TBC1D16: variants seen among roughly 807,000 people sequenced by gnomAD.
TBC1D16 encodes TBC1 domain family member 16, also known as CTD-2529O21.1.
In TBC1D16, 58 loss-of-function variants were observed where a neutral mutation model predicts 74.7. That is an observed-to-expected ratio of 0.78 (90% CI 0.63 to 0.97). TBC1D16 has a LOEUF of 0.97. Among genes scored for constraint, TBC1D16 ranks in the 50% least tolerant of loss-of-function variants. TBC1D16 has a pLI of 0.00. For synonymous variants in TBC1D16, 493 were observed against 474.7 expected (o/e 1.04, Z -0.50); for missense variants, 1,014 against 1,079.5 (o/e 0.94, Z 0.85).
At chr17:80,012,200 G>A (rs1270936957) in intron 2 of TBC1D16, among the ~76,000 whole-genome samples, 2 of 151,256 alleles carry the variant, frequency 1.3e-5, no homozygotes, top group East Asian at 3.9e-4. Flanking sequence ...TCAGCCAGCT[G>A]GGCATTAGGA....
At chr17:79,976,986 G>A (rs563601915) in intron 3 of TBC1D16, among the ~76,000 whole-genome samples, 2 of 152,342 alleles carry the variant, frequency 1.3e-5, no homozygotes, top group East Asian at 3.9e-4. Context: ...TGCCTGCTGA[G>A]CTGCTCTGGT....
chr17:80,025,079 A>G (rs2036512693), intron 1 of TBC1D16, among the ~76,000 whole-genome samples: 1 of 4,344 alleles, frequency 2.3e-4, no homozygotes, highest in African/African-American at 1.5e-3. Context: ...ACACACACAC[A>G]TACCATGACA....
At chr17:79,945,499 C>T (rs757766797) in intron 9 of TBC1D16, among the ~76,000 whole-genome samples, 1 of 152,200 alleles carries the variant, frequency 6.6e-6, no homozygotes, top group Non-Finnish European at 1.5e-5. Context: ...CGGCTACGCT[C>T]ACCCAGATCT....
At chr17:79,991,870 T>C (rs1019029826) in intron 3 of TBC1D16, 3 of 133,760 alleles carry the variant, frequency 2.2e-5, no homozygotes, top group Non-Finnish European at 4.7e-5. Flanking sequence ...GGTGCCGCCA[T>C]CTTCACAGAG....
rs1434877662 is a variant in TBC1D16, at chr17:79,956,757, T to C, written c.780-3939A>G. On this transcript the variant is annotated intron_variant, in intron 3 of 11. Coordinates refer to ENST00000310924, the MANE Select transcript of TBC1D16 (RefSeq NM_019020.4). This position sits in a 1 kb window ranked among gnomAD's most constrained non-coding sequence, Gnocchi z 4.0. ...CCTAAACTGCTAAATTTCCTCTTGC[T>C]TTTCTTCATCCTGAGCCTTTTAAGT... Among the ~76,000 whole-genome samples the C allele has an allele frequency of 6.6e-6, 1 of 152,238 alleles. No homozygotes were observed. The highest frequency in any genetic ancestry group is 2.4e-5 in the African/African-American group (1 of 41,456).
chr17:79,945,567 T>C (rs750724378), intron 9 of TBC1D16, among the ~76,000 whole-genome samples: 34 of 152,138 alleles, frequency 2.2e-4, no homozygotes, highest in Admixed American at 2.0e-3. Flanking sequence ...CCCAGGATGC[T>C]CGATTCCTGC....
At chr17:79,989,004 C>T (rs571366096) in intron 3 of TBC1D16, among the ~76,000 whole-genome samples, 1 of 152,326 alleles carries the variant, frequency 6.6e-6, no homozygotes, top group Non-Finnish European at 1.5e-5. Flanking sequence ...ACGGCTTCTC[C>T]AAAGGAAGTT....
intron 3 of TBC1D16, among the ~76,000 whole-genome samples, chr17:80,004,940 G>A (rs1038968738): frequency 1.3e-5 from 2 of 152,224 alleles, no homozygotes; most frequent in Non-Finnish European, 2.9e-5. Flanking sequence ...CTCCCAAAGC[G>A]CTGGAATTAC....
intron 1 of TBC1D16, among the ~76,000 whole-genome samples, chr17:80,033,549 T>C (rs900616844): frequency 6.6e-6 from 1 of 152,116 alleles, no homozygotes; most frequent in African/African-American, 2.4e-5. Flanking sequence ...ATTTGTTCAT[T>C]TTTTGTAGCG....
intron 2 of TBC1D16, among the ~76,000 whole-genome samples, chr17:80,011,326 C>T (rs1411552454): frequency 6.6e-6 from 1 of 151,686 alleles, no homozygotes; most frequent in Non-Finnish European, 1.5e-5. Flanking sequence ...GGATTACAGG[C>T]GATGAGCCAC....
intron 1 of TBC1D16, among the ~76,000 whole-genome samples, chr17:80,019,446 C>G (rs376544287): frequency 6.9e-6 from 1 of 144,134 alleles, no homozygotes; most frequent in Non-Finnish European, 1.5e-5. Flanking sequence ...ACAACCCCCC[C>G]CCGCCCCTCC....
chr17:79,960,359 G>A (rs139525289), intron 3 of TBC1D16, among the ~76,000 whole-genome samples: 118 of 152,202 alleles, frequency 7.8e-4, no homozygotes, highest in African/African-American at 2.4e-3. Flanking sequence ...AAAGGTGCTC[G>A]ACAGCATTCA....
chr17:80,013,578 CG>C lies in TBC1D16; in HGVS notation c.-32del. On this transcript the variant is annotated 5_prime_UTR_variant, in exon 2 of 12. Transcript: ENST00000310924. ...GGCAAGTGTTTCCATCCTCCGCATGCGTCGGCCCGGGCAGGGCTCGTCAAGA... is the reference window on the plus strand; with the variant it reads ...GGCAAGTGTTTCCATCCTCCGCATGCTCGGCCCGGGCAGGGCTCGTCAAGA... 2.1e-6 allele frequency: 3 copies of C among 1,463,192 alleles called. No homozygotes were observed. The South Asian group carries it at 4.3e-5, about 21-fold the overall frequency. 90.6% of individuals were successfully genotyped at this position (1,463,192 alleles called of 1,614,324 possible). A position where few individuals can be genotyped will look rare whatever the true frequency, so the allele number is the denominator to read the frequency against.
At position 79,950,070 on chromosome 17, in the gene TBC1D16, C is replaced by A. The variant is rs2032920464; in HGVS notation, c.1258-205G>T. Among the ~76,000 whole-genome samples the A allele has an allele frequency of 6.6e-6, 1 of 152,230 alleles. No individual in the cohort carries two copies. Among genetic ancestry groups the A allele is most frequent in the Admixed American group, 6.5e-5 (1 of 15,292 alleles). On this transcript the variant is annotated intron_variant, in intron 6 of 11. Transcript: ENST00000310924. This position sits in a 1 kb window ranked among gnomAD's most constrained non-coding sequence, Gnocchi z 4.6. ...GCTCATTTCAATGTCAATGCCCCCCCTGGGGTGGCGCTCAGATTAACGTGT... is the reference window on the plus strand; with the variant it reads ...GCTCATTTCAATGTCAATGCCCCCCATGGGGTGGCGCTCAGATTAACGTGT...
chr17:79,975,899 G>A lies in TBC1D16; in HGVS notation c.780-23081C>T, dbSNP rs998686569. Among the ~76,000 whole-genome samples the A allele has an allele frequency of 1.3e-5, 2 of 152,170 alleles. No individual in the cohort carries two copies. The highest frequency in any genetic ancestry group is 2.9e-5 in the Non-Finnish European group (2 of 68,030). On this transcript the variant is annotated intron_variant, in intron 3 of 11. Transcript: ENST00000310924. This position sits in a 1 kb window ranked among gnomAD's most constrained non-coding sequence, Gnocchi z 4.5. ...GATGGCAGCAGCAGCTCCGGCAGGC[G>A]GCTCTCCAGGCCACGAGATGGGCAC...
At chr17:80,011,560 C>T (rs765998943) in intron 2 of TBC1D16, among the ~76,000 whole-genome samples, 1 of 152,144 alleles carries the variant, frequency 6.6e-6, no homozygotes, top group Non-Finnish European at 1.5e-5. Flanking sequence ...GGCGTGATGG[C>T]TCACGCCTGT....
At chr17:79,968,390 C>G (rs2033929215) in intron 3 of TBC1D16, among the ~76,000 whole-genome samples, 2 of 152,208 alleles carry the variant, frequency 1.3e-5, no homozygotes, top group African/African-American at 4.8e-5. Flanking sequence ...CATAACCTCA[C>G]ACTGTCTACA....
At chr17:80,005,938 T>C (rs577306130) in intron 3 of TBC1D16, among the ~76,000 whole-genome samples, 313 of 152,148 alleles carry the variant, frequency 2.1e-3, no homozygotes, top group South Asian at 9.1e-3. Flanking sequence ...CTGGCCAATC[T>C]CAGCCAGACA....
At chr17:79,959,421 A>G (rs55748193) in intron 3 of TBC1D16, among the ~76,000 whole-genome samples, 9,840 of 152,236 alleles carry the variant, frequency 0.065, 670 homozygotes, top group African/African-American at 0.17. Context: ...AGCTAGTATA[A>G]CCAGAGCGAC....
Sources: allele counts gnomAD v4.1 joint callset (sites outside exome capture counted in the v4.1 genomes callset), GRCh38; gene constraint gnomAD v4.1.1; non-coding constraint Gnocchi (gnomAD v3.1); transcripts MANE v1.5; gene names NCBI Gene and HGNC (gene_info 2026-07-23, HGNC 2026-07-21).